DPY19L3: variants seen among roughly 807,000 people sequenced by gnomAD.
DPY19L3 encodes dpy-19 like C-mannosyltransferase 3, also known as protein C-mannosyl-transferase DPY19L3.
Under a neutral mutation model 92.3 loss-of-function variants are expected in DPY19L3, and 51 were observed. The ratio of observed to expected loss-of-function variants is 0.55; its 90% CI spans 0.44 to 0.70. DPY19L3 has a LOEUF of 0.70. Ranked by LOEUF, DPY19L3 falls within the 30% of genes least tolerant of loss-of-function variation. The pLI, the probability that DPY19L3 is intolerant of heterozygous loss-of-function variation, is 0.00. For synonymous variants in DPY19L3, 309 were observed against 315.2 expected (o/e 0.98, Z 0.21); for missense variants, 706 against 855.9 (o/e 0.82, Z 2.18).
chr19:32,411,405 C>T (rs1265439776), intron 3 of DPY19L3, 33 bp downstream of exon 3: 1 of 1,612,040 alleles, frequency 6.2e-7, no homozygotes, highest in East Asian at 2.2e-5. Context: ...GTATCATTCA[C>T]TCAGTGGGAT....
At chr19:32,461,694 G>A (rs1337546666) in intron 12 of DPY19L3, among the ~76,000 whole-genome samples, 1 of 152,162 alleles carries the variant, frequency 6.6e-6, no homozygotes, top group Non-Finnish European at 1.5e-5. Context: ...AATAAAAAAA[G>A]TCTCTAGTTA....
chr19:32,482,050 A>G (rs929582419), intron 18 of DPY19L3, 29 bp from the exon 19 acceptor site: 11 of 1,599,924 alleles, frequency 6.9e-6, no homozygotes, highest in African/African-American at 1.4e-5. Context: ...TTTCCCCCCA[A>G]ATTGTATTTG....
In DPY19L3 at chr19:32,450,746, T is replaced by G. The variant is rs895572872; in HGVS notation, c.856-2399T>G. Among the ~76,000 whole-genome samples the G allele has an allele frequency of 2.6e-5, 4 of 152,300 alleles. No individual in the cohort carries two copies. The South Asian group carries it at 6.2e-4, about 24-fold the overall frequency. ...AGAGTGATGGCTAGTGGATATGGGT[T>G]TCTTTCGAAGTGATGAGAATGTCAT... On this transcript the variant is annotated intron_variant, in intron 8 of 18. Coordinates refer to ENST00000392250, the MANE Select transcript of DPY19L3 (RefSeq NM_001172774.2).
chr19:32,445,675 T>C (rs1192261162), intron 8 of DPY19L3, among the ~76,000 whole-genome samples: 1 of 152,060 alleles, frequency 6.6e-6, no homozygotes, highest in Non-Finnish European at 1.5e-5. Context: ...TGAATAAATA[T>C]AACAGACTTT....
chr19:32,420,270 TA>T (rs1968524716), intron 3 of DPY19L3, among the ~76,000 whole-genome samples: 1 of 151,426 alleles, frequency 6.6e-6, no homozygotes, highest in African/African-American at 2.4e-5. Flanking sequence ...GGCTGAGGGG[TA>T]TGGGGTAGGC....
chr19:32,413,851 G>A (rs576789801), intron 3 of DPY19L3, among the ~76,000 whole-genome samples: 9 of 151,930 alleles, frequency 5.9e-5, no homozygotes, highest in Non-Finnish European at 8.8e-5. Context: ...TTAGCCTCCC[G>A]AGTAGCTGGG....
At chr19:32,428,262 GC>G (rs1488746933) in intron 3 of DPY19L3, among the ~76,000 whole-genome samples, 3 of 152,092 alleles carry the variant, frequency 2.0e-5, no homozygotes, top group African/African-American at 7.2e-5. Flanking sequence ...GTGAGCCACC[GC>G]GCCTGGCCTG....
In DPY19L3 at chr19:32,436,428, C is replaced by G. The variant is rs764559774; in HGVS notation, c.329-18C>G. On this transcript the variant is annotated intron_variant, in intron 4 of 18. Coordinates refer to ENST00000392250, the MANE Select transcript of DPY19L3 (RefSeq NM_001172774.2). The stretch of plus-strand genomic sequence containing the variant: ...ATGAGTGTAATTATTTTCTTCCTGA[C>G]TTTTCACATATCTATAGGTTTTCAT... 6.9e-7 allele frequency: 1 copy of G among 1,447,058 alleles called. No homozygotes were observed. The highest frequency in any genetic ancestry group is 2.2e-5 in the Admixed American group (1 of 45,340). 89.6% of individuals were successfully genotyped at this position (1,447,058 alleles called of 1,614,324 possible).
At chr19:32,429,038 G>A (rs970312619) in intron 3 of DPY19L3, among the ~76,000 whole-genome samples, 3 of 152,100 alleles carry the variant, frequency 2.0e-5, no homozygotes, top group African/African-American at 4.8e-5. Flanking sequence ...TAGTAGAGAC[G>A]GGGTTTCACC....
chr19:32,442,867 CA>C (rs1035025251), intron 8 of DPY19L3, among the ~76,000 whole-genome samples: 3 of 152,234 alleles, frequency 2.0e-5, no homozygotes, highest in Non-Finnish European at 2.9e-5. Flanking sequence ...TGTCACTAGG[CA>C]TGCCTTGCTT....
intron 16 of DPY19L3, among the ~76,000 whole-genome samples, chr19:32,474,796 G>A (rs1260877283): frequency 1.3e-5 from 2 of 151,996 alleles, no homozygotes; most frequent in Non-Finnish European, 2.9e-5. Context: ...CACCATATTG[G>A]CCAGGCTGGT....
At chr19:32,429,307 A>G (rs191772612) in intron 3 of DPY19L3, among the ~76,000 whole-genome samples, 1 of 152,368 alleles carries the variant, frequency 6.6e-6, no homozygotes, top group Non-Finnish European at 1.5e-5. Context: ...GAGGATAACT[A>G]CTATTGGTGT....
intron 3 of DPY19L3, among the ~76,000 whole-genome samples, chr19:32,420,367 A>G (rs1021391390): frequency 1.3e-5 from 2 of 152,258 alleles, no homozygotes; most frequent in African/African-American, 4.8e-5. Context: ...CTTGCCTTCA[A>G]GGATACGATA....
At chr19:32,452,497 C>T (rs566964189) in intron 8 of DPY19L3, among the ~76,000 whole-genome samples, 2 of 152,192 alleles carry the variant, frequency 1.3e-5, no homozygotes, top group Non-Finnish European at 2.9e-5. Flanking sequence ...TGGTCATAAA[C>T]AGTAACTGAA....
intron 3 of DPY19L3, among the ~76,000 whole-genome samples, chr19:32,422,836 G>A (rs1968619496): frequency 6.6e-6 from 1 of 152,118 alleles, no homozygotes; most frequent in African/African-American, 2.4e-5. Flanking sequence ...CATTCTAGAC[G>A]AAAAGATCAA....
intron 16 of DPY19L3, among the ~76,000 whole-genome samples, chr19:32,470,091 A>G (rs559284946): frequency 6.6e-6 from 1 of 152,258 alleles, no homozygotes; most frequent in African/African-American, 2.4e-5. Context: ...TGTCTAAAAC[A>G]TACACATGGC....
intron 4 of DPY19L3, among the ~76,000 whole-genome samples, chr19:32,433,389 A>G (rs909272181): frequency 6.6e-6 from 1 of 152,068 alleles, no homozygotes; most frequent in African/African-American, 2.4e-5. Flanking sequence ...CAGCTTTGAC[A>G]TTTTTGGTGG....
chr19:32,426,231 G>A (rs551937634), intron 3 of DPY19L3, among the ~76,000 whole-genome samples: 7 of 152,354 alleles, frequency 4.6e-5, no homozygotes, highest in African/African-American at 1.4e-4. Context: ...CAGAATTGAA[G>A]AGAGGGCCTT....
In DPY19L3 at chr19:32,437,177, A is replaced by G. The variant is rs768059155; in HGVS notation, c.451-17A>G. 6.2e-7 allele frequency: 1 copy of G among 1,613,712 alleles called. No homozygotes were observed. The highest frequency in any genetic ancestry group is 8.5e-7 in the Non-Finnish European group (1 of 1,179,898). On this transcript the variant is annotated splice_polypyrimidine_tract_variant and intron_variant, in intron 5 of 18. Coordinates refer to ENST00000392250, the MANE Select transcript of DPY19L3 (RefSeq NM_001172774.2). ...AGGGCTCACCTGACAAACATGTTTT[A>G]TTGTTCCCTTTTACAGAAATATTTA...
Sources: allele counts gnomAD v4.1 joint callset (sites outside exome capture counted in the v4.1 genomes callset), GRCh38; gene constraint gnomAD v4.1.1; transcripts MANE v1.5; gene names NCBI Gene and HGNC (gene_info 2026-07-23, HGNC 2026-07-21).